The following BTNL3 variants were observed in gnomAD, a reference collection of about 807,000 sequenced individuals.
The protein encoded by BTNL3 is butyrophilin-like protein 3.
A neutral mutation model predicts 40.1 loss-of-function variants in BTNL3; 20 were observed. The observed-to-expected ratio is 0.50, with a 90% CI of 0.35 to 0.72. BTNL3 has a LOEUF of 0.72. BTNL3 is among the 30% of genes least tolerant of loss of function. The pLI is 0.01. For synonymous variants in BTNL3, 179 were observed against 222.1 expected, an observed-to-expected ratio of 0.81 and a Z score of 1.73; for missense variants, 449 against 582.2, an observed-to-expected ratio of 0.77 and a Z score of 2.35.
intron 4 of BTNL3, 54 bp downstream of exon 4, chr5:181,002,839 C>T: frequency 7.0e-7 from 1 of 1,422,292 alleles, no homozygotes; most frequent in East Asian, 2.6e-5. Context: ...TCCAGTGGAG[C>T]TGATATCAGG....
At chr5:181,003,709 G>C (rs138225701) in intron 4 of BTNL3, 147 bp from the exon 5 acceptor site, 2 of 1,465,240 alleles carry the variant, frequency 1.4e-6, no homozygotes, top group African/African-American at 1.4e-5. Context: ...TCCGTGCAGG[G>C]GCTGGGGAGA....
Position 180,997,901 on chromosome 5 carries a change from A to C in BTNL3, c.673+413A>C, listed in dbSNP as rs758121702. 4.0e-4 allele frequency among the ~76,000 whole-genome samples: 55 copies of C among 136,622 alleles called. 11 individuals are homozygous for C. Among genetic ancestry groups the C allele is most frequent in the Non-Finnish European group, 7.2e-4 (43 of 59,832 alleles). The allele number at this position is 136,622 out of a possible 152,430, so 89.6% of individuals were successfully genotyped here. A position where few individuals can be genotyped will look rare whatever the true frequency, so the allele number is the denominator to read the frequency against. ...ATAGTAGGAAAATTTACATAAACTA[A>C]AATGCTTCCAGAATCACACTCAATT... On this transcript the variant is annotated intron_variant, in intron 3 of 7. Coordinates refer to ENST00000342868, the MANE Select transcript of BTNL3 (RefSeq NM_197975.3).
chr5:180,989,566 C>A (rs1203269322), intron 1 of BTNL3, among the ~76,000 whole-genome samples: 1 of 136,548 alleles, frequency 7.3e-6, no homozygotes, highest in Non-Finnish European at 1.7e-5. Flanking sequence ...GAGCACCAGA[C>A]CTTTAAGTGA....
At position 180,990,497 on chromosome 5, in the gene BTNL3, C is replaced by T. The variant is rs1383063522; in HGVS notation, c.49+1420C>T. 1.5e-5 allele frequency among the ~76,000 whole-genome samples: 2 copies of T among 137,750 alleles called. 1 individual carries two copies. The highest frequency in any genetic ancestry group is 3.3e-5 in the Non-Finnish European group (2 of 60,042). 90.4% of individuals were successfully genotyped at this position (137,750 alleles called of 152,430 possible). Reference sequence around the variant, plus strand: ...ATGTAGAGCGTCCAGCACGGAGCTCCGCTGGGGCACAGTATGTTGCGACAA... The same window carrying T: ...ATGTAGAGCGTCCAGCACGGAGCTCTGCTGGGGCACAGTATGTTGCGACAA... On this transcript the variant is annotated intron_variant, in intron 1 of 7. Transcript: ENST00000342868.
rs766013573 is a variant in BTNL3 at position 180,992,859 on chromosome 5, G to A, written c.96G>A (p.Val32=). The change falls in exon 2 of 8, where the codon GTG becomes GTA. Residue 32 remains valine, a synonymous_variant. Coordinates refer to ENST00000342868, the MANE Select transcript of BTNL3 (RefSeq NM_197975.3). ...TGPGKFVQAL[V]GEDAVFSCSL... ...CGGGCAAGTTTGTCCAGGCCTTGGT[G>A]GGGGAGGACGCCGTGTTCTCCTGCT... The A allele has an allele frequency of 6.8e-7, 1 of 1,463,120 alleles. No homozygotes were observed. Among genetic ancestry groups the A allele is most frequent in the South Asian group, 1.1e-5 (1 of 89,286 alleles). The allele number at this position is 1,463,120 out of a possible 1,614,324, so 90.6% of individuals were successfully genotyped here. A position where few individuals can be genotyped will look rare whatever the true frequency, so the allele number is the denominator to read the frequency against.
At chr5:180,992,280 T>C (rs1342728946) in intron 1 of BTNL3, among the ~76,000 whole-genome samples, 1 of 137,336 alleles carries the variant, frequency 7.3e-6, no homozygotes, top group Non-Finnish European at 1.7e-5. Flanking sequence ...GCGGAGAATA[T>C]ATATTCCTTT....
chr5:181,001,720 C>G (rs1184428543), intron 3 of BTNL3, among the ~76,000 whole-genome samples: 1 of 134,190 alleles, frequency 7.5e-6, no homozygotes, highest in Non-Finnish European at 1.7e-5. Flanking sequence ...TGGCGGGCGC[C>G]TGTAGTCCCA....
In BTNL3 at chr5:181,005,939, C is replaced by A; in HGVS notation, c.*67C>A. The A allele has an allele frequency of 6.8e-7, 1 of 1,470,884 alleles. No individual in the cohort carries two copies. The highest frequency in any genetic ancestry group is 9.0e-7 in the Non-Finnish European group (1 of 1,105,576). The allele number at this position is 1,470,884 out of a possible 1,614,324, so 91.1% of individuals were successfully genotyped here. A position where few individuals can be genotyped will look rare whatever the true frequency, so the allele number is the denominator to read the frequency against. On this transcript the variant is annotated 3_prime_UTR_variant, in exon 8 of 8. Transcript: ENST00000342868. ...CAGACACAGCCAAGGGAGAGTGCTC[C>A]CGACAGGTGGCCCCAGCTTCCTCTC...
chr5:180,993,159 A>G lies in BTNL3; in HGVS notation c.396A>G (p.Ala132=), dbSNP rs1215810714. 1.4e-6 allele frequency: 2 copies of G among 1,431,278 alleles called. No individual in the cohort carries two copies. The highest frequency in any genetic ancestry group is 2.1e-5 in the Admixed American group (1 of 48,164). The allele number at this position is 1,431,278 out of a possible 1,614,324, so 88.7% of individuals were successfully genotyped here. Reference sequence around the variant, plus strand: ...AGGCCACCTGGGAGCTGCGGGTGGCAGGTCAGTTGTTTATTTATGACTGAG... The same window carrying G: ...AGGCCACCTGGGAGCTGCGGGTGGCGGGTCAGTTGTTTATTTATGACTGAG... The part of the protein sequence containing the change: ...DEEATWELRV[A]ALGSLPLISI... Residue 132 remains alanine, a splice_region_variant and synonymous_variant, in exon 2 of 8, where the codon GCA becomes GCG. Transcript: ENST00000342868.
chr5:181,006,132 A>G lies in BTNL3; in HGVS notation c.*260A>G. 2.2e-6 allele frequency: 1 copy of G among 464,028 alleles called. No homozygotes were observed. The highest frequency in any genetic ancestry group is 3.8e-6 in the Non-Finnish European group (1 of 266,178). 28.7% of individuals were successfully genotyped at this position (464,028 alleles called of 1,614,324 possible). A position where few individuals can be genotyped will look rare whatever the true frequency, so the allele number is the denominator to read the frequency against. On this transcript the variant is annotated 3_prime_UTR_variant, in exon 8 of 8. Coordinates refer to ENST00000342868, the MANE Select transcript of BTNL3 (RefSeq NM_197975.3). Reference sequence around the variant, plus strand: ...CTGCCCTGAAGTGGGGACGGAATAGACTCACATTAGGTTTAGTTTGTGAAA... The same window carrying G: ...CTGCCCTGAAGTGGGGACGGAATAGGCTCACATTAGGTTTAGTTTGTGAAA...
At position 180,990,084 on chromosome 5, in the gene BTNL3, C is replaced by A. The variant is rs1282960997; in HGVS notation, c.49+1007C>A. Among the ~76,000 whole-genome samples, 2 of 136,902 alleles carry A rather than the reference C, an allele frequency of 1.5e-5. 1 individual carries two copies. Among genetic ancestry groups the A allele is most frequent in the Non-Finnish European group, 3.3e-5 (2 of 59,796 alleles). The allele number at this position is 136,902 out of a possible 152,430, so 89.8% of individuals were successfully genotyped here. A position where few individuals can be genotyped will look rare whatever the true frequency, so the allele number is the denominator to read the frequency against. On this transcript the variant is annotated intron_variant, in intron 1 of 7. Transcript: ENST00000342868. ...CTGAGGCACGAGAATCACTTAAACCCAGGAGGCGGAGGTTGCAGTGTGCCA... is the reference window on the plus strand; with the variant it reads ...CTGAGGCACGAGAATCACTTAAACCAAGGAGGCGGAGGTTGCAGTGTGCCA...
Position 180,992,913 on chromosome 5 carries a change from T to C in BTNL3, c.150T>C (p.Ala50=), listed in dbSNP as rs770491618. 1.4e-6 allele frequency: 2 copies of C among 1,463,498 alleles called. No homozygotes were observed. Among genetic ancestry groups the C allele is most frequent in the Non-Finnish European group, 1.9e-6 (2 of 1,058,972 alleles). The allele number at this position is 1,463,498 out of a possible 1,614,324, so 90.7% of individuals were successfully genotyped here. A position where few individuals can be genotyped will look rare whatever the true frequency, so the allele number is the denominator to read the frequency against. ...TCTTTCCTGAGACCAGTGCAGAGGC[T>C]ATGGAAGTGCGGTTCTTCAGGAATC... ...CSLFPETSAE[A]MEVRFFRNQF... Residue 50 remains alanine, a synonymous_variant, in exon 2 of 8, where the codon GCT becomes GCC. Coordinates refer to ENST00000342868, the MANE Select transcript of BTNL3 (RefSeq NM_197975.3).
Position 180,993,135 on chromosome 5 carries a change from G to A in BTNL3, c.372G>A (p.Glu124=), listed in dbSNP as rs1759995021. Residue 124 remains glutamate (E), a synonymous_variant, in exon 2 of 8, where the codon GAG becomes GAA. Coordinates refer to ENST00000342868, the MANE Select transcript of BTNL3 (RefSeq NM_197975.3). ...TCAGTTCCCAGATTTACGATGAGGA[G>A]GCCACCTGGGAGCTGCGGGTGGCAG... ...CWFSSQIYDE[E]ATWELRVAAL... 1.4e-6 allele frequency: 2 copies of A among 1,443,638 alleles called. No homozygotes were observed. Among genetic ancestry groups the A allele is most frequent in the South Asian group, 1.2e-5 (1 of 86,910 alleles). The allele number at this position is 1,443,638 out of a possible 1,614,324, so 89.4% of individuals were successfully genotyped here.
In BTNL3 at chr5:180,997,240, T is replaced by C. The variant is rs1450058463; in HGVS notation, c.425T>C (p.Ile142Thr). Residue 142 changes from isoleucine to threonine, a missense_variant, in exon 3 of 8, where the codon ATC (isoleucine) becomes ACC (threonine). Ile to Thr is a moderately conservative substitution (Grantham distance 89). This residue lies in a region of BTNL3 where 323 missense variants were observed against 464.9 expected (regional missense o/e 0.69). Transcript: ENST00000342868. ...AALGSLPLISIVGYVDGGIQL... is the reference protein window; with the variant it reads ...AALGSLPLISTVGYVDGGIQL... ...CTGGGCTCACTTCCTCTCATTTCCA[T>C]CGTGGGATATGTTGACGGAGGTATC... 2.0e-6 allele frequency: 3 copies of C among 1,464,414 alleles called. 1 individual carries two copies. The highest frequency in any genetic ancestry group is 2.8e-6 in the Non-Finnish European group (3 of 1,059,442). The allele number at this position is 1,464,414 out of a possible 1,614,324, so 90.7% of individuals were successfully genotyped here.
intron 3 of BTNL3, among the ~76,000 whole-genome samples, chr5:181,000,393 ACT>A (rs1214012308): frequency 7.3e-6 from 1 of 137,146 alleles, no homozygotes; most frequent in Non-Finnish European, 1.7e-5. Context: ...AATAGGAGAG[ACT>A]CTGCTTAATC....
At position 180,997,720 on chromosome 5, in the gene BTNL3, C is replaced by G. The variant is rs1315647600; in HGVS notation, c.673+232C>G. ...TAAGTATTTCCTTCACCACACAATA[C>G]CCCCATGGTGCAACACTCACAACTC... On this transcript the variant is annotated intron_variant, in intron 3 of 7. Coordinates refer to ENST00000342868, the MANE Select transcript of BTNL3 (RefSeq NM_197975.3). Among the ~76,000 whole-genome samples the G allele has an allele frequency of 1.5e-5, 2 of 137,230 alleles. 1 individual carries two copies. Among genetic ancestry groups the G allele is most frequent in the Non-Finnish European group, 3.3e-5 (2 of 59,964 alleles). 90.0% of individuals were successfully genotyped at this position (137,230 alleles called of 152,430 possible).
At position 180,988,971 on chromosome 5, in the gene BTNL3, C is replaced by A; in HGVS notation, c.-58C>A. On this transcript the variant is annotated 5_prime_UTR_variant, in exon 1 of 8. Coordinates refer to ENST00000342868, the MANE Select transcript of BTNL3 (RefSeq NM_197975.3). ...ACAGCTGGCCTGACCTCCAAATCAT[C>A]CATCCACCCCTGCTGTCATCTGTTT... 1 of 1,415,658 alleles carries A rather than the reference C, an allele frequency of 7.1e-7. No homozygotes were observed. The highest frequency in any genetic ancestry group is 2.3e-5 in the Admixed American group (1 of 44,384). 87.7% of individuals were successfully genotyped at this position (1,415,658 alleles called of 1,614,324 possible).
At position 180,989,096 on chromosome 5, in the gene BTNL3, A is replaced by G. The variant is rs368785290; in HGVS notation, c.49+19A>G. Reference sequence around the variant, plus strand: ...GTGTCAGGTAAGCCTTTCAGTTTGGACTGTTGTTTTTCTCCTTGTTGAATA... The same window carrying G: ...GTGTCAGGTAAGCCTTTCAGTTTGGGCTGTTGTTTTTCTCCTTGTTGAATA... On this transcript the variant is annotated intron_variant, in intron 1 of 7. Coordinates refer to ENST00000342868, the MANE Select transcript of BTNL3 (RefSeq NM_197975.3). 4.8e-5 allele frequency: 68 copies of G among 1,429,886 alleles called. 11 individuals carry two copies. Among genetic ancestry groups the G allele is most frequent in the African/African-American group, 2.8e-5 (2 of 71,500 alleles). The allele number at this position is 1,429,886 out of a possible 1,614,324, so 88.6% of individuals were successfully genotyped here. A position where few individuals can be genotyped will look rare whatever the true frequency, so the allele number is the denominator to read the frequency against.
rs1282046067 is a variant in BTNL3, at chr5:181,004,728, G to A, written c.836-8G>A. 9.3e-6 allele frequency: 15 copies of A among 1,614,082 alleles called. No homozygotes were observed. The highest frequency in any genetic ancestry group is 1.7e-5 in the Admixed American group (1 of 59,998). ...ACGGAACTGCCTGCTCTCTCTGCTTGCTTTCAGAATTGAGAGACGCCCGGA... is the reference window on the plus strand; with the variant it reads ...ACGGAACTGCCTGCTCTCTCTGCTTACTTTCAGAATTGAGAGACGCCCGGA... On this transcript the variant is annotated splice_region_variant and splice_polypyrimidine_tract_variant and intron_variant, in intron 6 of 7. Transcript: ENST00000342868.
Sources: allele counts gnomAD v4.1 joint callset (sites outside exome capture counted in the v4.1 genomes callset), GRCh38; gene constraint gnomAD v4.1.1; regional missense constraint gnomAD v4.1.1; transcripts MANE v1.5; gene names NCBI Gene and HGNC (gene_info 2026-07-23, HGNC 2026-07-21).